DNAJC25: variants seen among roughly 807,000 people sequenced by gnomAD.
DNAJC25 encodes DnaJ heat shock protein family (Hsp40) member C25.
DNAJC25 carries 26 observed loss-of-function variants against 42.1 expected under a neutral mutation model. That is an observed-to-expected ratio of 0.62 (90% CI 0.45 to 0.86). DNAJC25 has a LOEUF of 0.86. DNAJC25 is among the 40% of genes least tolerant of loss of function. The probability of loss-of-function intolerance (pLI) is 0.00; values close to 1 mark genes in which losing one functional copy is unlikely to be tolerated. For synonymous variants in DNAJC25, 189 were observed against 179.9 expected (o/e 1.05, Z -0.40); for missense variants, 404 against 459.4 (o/e 0.88, Z 1.10).
chr9:111,645,938 A>AT (rs373850400), intron 1 of DNAJC25, among the ~76,000 whole-genome samples: 6 of 151,920 alleles, frequency 3.9e-5, no homozygotes, highest in Admixed American at 2.0e-4. Flanking sequence ...TGCAAATACA[A>AT]TTTTTTTTAT....
chr9:111,645,692 T>C (rs1315375912), intron 1 of DNAJC25, among the ~76,000 whole-genome samples: 1 of 152,206 alleles, frequency 6.6e-6, no homozygotes, highest in Non-Finnish European at 1.5e-5. Context: ...CCCCAGAGAA[T>C]CTGTCTGCAG....
At chr9:111,645,821 T>C (rs1830561388) in intron 1 of DNAJC25, among the ~76,000 whole-genome samples, 2 of 152,218 alleles carry the variant, frequency 1.3e-5, no homozygotes, top group Admixed American at 6.5e-5. Context: ...GACAGGGTTT[T>C]GCTGTCTTGC....
intron 3 of DNAJC25, among the ~76,000 whole-genome samples, chr9:111,651,846 CAAA>C (rs370573333): frequency 7.5e-5 from 7 of 92,984 alleles, no homozygotes; most frequent in African/African-American, 9.3e-5. Flanking sequence ...GACCCCATCT[CAAA>C]AAAAAAAAAA....
chr9:111,640,640 C>T (rs1589342970), intron 1 of DNAJC25, among the ~76,000 whole-genome samples: 4 of 55,254 alleles, frequency 7.2e-5, no homozygotes, highest in Admixed American at 1.7e-4. Context: ...AGGTGAGGAG[C>T]GTCTCTGCCC....
intron 3 of DNAJC25, among the ~76,000 whole-genome samples, chr9:111,650,299 T>TAA (rs34802905): frequency 3.1e-4 from 39 of 127,820 alleles, no homozygotes; most frequent in African/African-American, 1.0e-3. Context: ...CACAGAGACT[T>TAA]AAAAAAAAAA....
At position 111,653,314 on chromosome 9, in the gene DNAJC25, A is replaced by G; in HGVS notation, c.*92A>G. ...GAAATGTATCAATTGACTGCTGCTC[A>G]GCAGTAACTAAAATTCCTCAAGTAT... is the stretch of plus-strand genomic sequence containing the variant. On this transcript the variant is annotated 3_prime_UTR_variant, in exon 4 of 4. Transcript: ENST00000313525. 1.5e-6 allele frequency: 2 copies of G among 1,324,028 alleles called. No individual in the cohort carries two copies. The highest frequency in any genetic ancestry group is 2.0e-6 in the Non-Finnish European group (2 of 1,022,284). 82.0% of individuals were successfully genotyped at this position (1,324,028 alleles called of 1,614,324 possible). A position where few individuals can be genotyped will look rare whatever the true frequency, so the allele number is the denominator to read the frequency against.
At chr9:111,646,446 T>C (rs1399778589) in intron 1 of DNAJC25, among the ~76,000 whole-genome samples, 2 of 152,242 alleles carry the variant, frequency 1.3e-5, no homozygotes, top group Non-Finnish European at 2.9e-5. Flanking sequence ...GGACAACATA[T>C]TATAGTGATG....
rs1232389684 is a variant in DNAJC25, at chr9:111,634,329, G to A, written c.336+2586G>A. Among the ~76,000 whole-genome samples the A allele has an allele frequency of 3.9e-5, 6 of 152,292 alleles. No homozygotes were observed. The South Asian group carries it at 6.2e-4, about 16-fold the overall frequency. The stretch of plus-strand genomic sequence containing the variant: ...GGTCTGCTTTAACTTCTGTCATAAC[G>A]GAGAATTGTGAGGAAGTTGCCAAAG... On this transcript the variant is annotated intron_variant, in intron 1 of 3. Transcript: ENST00000313525.
chr9:111,642,783 G>C (rs1024198012), intron 1 of DNAJC25: 4 of 465,888 alleles, frequency 8.6e-6, no homozygotes, highest in Non-Finnish European at 1.8e-5. Context: ...TTAAGAGAAG[G>C]AAGGATTCAG....
chr9:111,633,807 C>T (rs993892384), intron 1 of DNAJC25, among the ~76,000 whole-genome samples: 5 of 152,158 alleles, frequency 3.3e-5, no homozygotes, highest in African/African-American at 4.8e-5. Flanking sequence ...ATATGGTTGC[C>T]TCTAAAGGTT....
chr9:111,641,963 C>T (rs1172784678), intron 1 of DNAJC25, among the ~76,000 whole-genome samples: 8 of 133,878 alleles, frequency 6.0e-5, no homozygotes, highest in Admixed American at 1.5e-4. Context: ...CCCGGCCAGC[C>T]GCCCCGTCCG....
chr9:111,645,117 C>T (rs965193149), intron 1 of DNAJC25, among the ~76,000 whole-genome samples: 1 of 152,108 alleles, frequency 6.6e-6, no homozygotes, highest in Non-Finnish European at 1.5e-5. Context: ...TCATATTGGC[C>T]CTCCATATAA....
chr9:111,641,561 C>G (rs1274160103), intron 1 of DNAJC25, among the ~76,000 whole-genome samples: 1 of 120,150 alleles, frequency 8.3e-6, no homozygotes, highest in Non-Finnish European at 1.7e-5. Flanking sequence ...CCAGCCGCCC[C>G]ATCCGGGAGG....
chr9:111,632,846 C>T lies in DNAJC25; in HGVS notation c.336+1103C>T, dbSNP rs75154306. On this transcript the variant is annotated intron_variant, in intron 1 of 3. Transcript: ENST00000313525. Reference sequence around the variant, plus strand: ...AAGGAGCTAACAACTTTATTGATGCCTTCCAGAGCAGTTTGGATAATTTGG... The same window carrying T: ...AAGGAGCTAACAACTTTATTGATGCTTTCCAGAGCAGTTTGGATAATTTGG... 1.7e-3 allele frequency among the ~76,000 whole-genome samples: 258 copies of T among 152,192 alleles called. 3 individuals are homozygous for T. In the East Asian group the frequency reaches 0.039, roughly 23 times the overall value.
At chr9:111,635,664 C>T (rs1415022338) in intron 1 of DNAJC25, among the ~76,000 whole-genome samples, 2 of 152,064 alleles carry the variant, frequency 1.3e-5, no homozygotes, top group Non-Finnish European at 2.9e-5. Flanking sequence ...AATGCAAAAG[C>T]GTAGAATTTG....
chr9:111,649,209 C>T (rs182620467), intron 2 of DNAJC25, among the ~76,000 whole-genome samples: 5 of 152,270 alleles, frequency 3.3e-5, no homozygotes, highest in Admixed American at 3.3e-4. Flanking sequence ...CCTTGGGTCA[C>T]TGACTGCAGC....
At position 111,631,452 on chromosome 9, in the gene DNAJC25, C is replaced by G; in HGVS notation, c.45C>G (p.Ala15=). The G allele has an allele frequency of 2.3e-6, 3 of 1,301,408 alleles. No homozygotes were observed. The highest frequency in any genetic ancestry group is 2.9e-6 in the Non-Finnish European group (3 of 1,030,272). 80.6% of individuals were successfully genotyped at this position (1,301,408 alleles called of 1,614,324 possible). A position where few individuals can be genotyped will look rare whatever the true frequency, so the allele number is the denominator to read the frequency against. Reference sequence around the variant, plus strand: ...CTCCCGGCTGGGGAGCCGGGGCTGCCGGCCGGCGCTGGTGGATGCTGCTGG... The same window carrying G: ...CTCCCGGCTGGGGAGCCGGGGCTGCGGGCCGGCGCTGGTGGATGCTGCTGG... The part of the protein sequence containing the change: ...LLSPGWGAGA[A]GRRWWMLLAP... The change falls in exon 1 of 4, where the codon GCC becomes GCG. Residue 15 remains alanine, a synonymous_variant. Coordinates refer to ENST00000313525, the MANE Select transcript of DNAJC25 (RefSeq NM_001015882.3).
At chr9:111,631,860 C>T in intron 1 of DNAJC25, 117 bp downstream of exon 1, 1 of 1,393,036 alleles carries the variant, frequency 7.2e-7, no homozygotes, top group African/African-American at 1.5e-5. Flanking sequence ...GCACAGCCAC[C>T]ACCGCGACCT....
intron 2 of DNAJC25, among the ~76,000 whole-genome samples, chr9:111,648,144 T>C (rs1051395432): frequency 2.0e-5 from 3 of 152,242 alleles, no homozygotes; most frequent in Non-Finnish European, 4.4e-5. Context: ...TTCCCTGTTA[T>C]TAAACTAGCC....
Sources: allele counts gnomAD v4.1 joint callset (sites outside exome capture counted in the v4.1 genomes callset), GRCh38; gene constraint gnomAD v4.1.1; transcripts MANE v1.5; gene names NCBI Gene and HGNC (gene_info 2026-07-23, HGNC 2026-07-21).